Variants in MYLK4 observed in about 807,000 individuals in gnomAD.
MYLK4 encodes the protein caMLCK like.
MYLK4 carries 46 observed loss-of-function variants against 48.1 expected under a neutral mutation model. The observed-to-expected ratio is 0.96, with a 90% confidence interval of 0.75 to 1.22. MYLK4 has a LOEUF of 1.22. MYLK4 is among the 50% of genes most tolerant of loss of function. The probability of loss-of-function intolerance (pLI) is 0.00; values close to 1 mark genes in which losing one functional copy is unlikely to be tolerated. For missense variants in MYLK4, 451 were observed against 486.1 expected (o/e 0.93, Z 0.68); for synonymous variants, 170 against 180.8 (o/e 0.94, Z 0.48).
intron 2 of MYLK4, among the ~76,000 whole-genome samples, chr6:2,740,950 T>C (rs969367677): frequency 6.6e-6 from 1 of 152,238 alleles, no homozygotes; most frequent in Non-Finnish European, 1.5e-5. Context: ...GCCACTTCAT[T>C]GCAAGAGACT....
At chr6:2,744,362 A>G (rs571050029) in intron 2 of MYLK4, among the ~76,000 whole-genome samples, 1 of 152,356 alleles carries the variant, frequency 6.6e-6, no homozygotes, top group South Asian at 2.1e-4. Context: ...GCACCACTGT[A>G]TCTGGCAACT....
intron 12 of MYLK4, among the ~76,000 whole-genome samples, chr6:2,669,130 T>C (rs908889763): frequency 2.0e-5 from 3 of 152,094 alleles, no homozygotes; most frequent in South Asian, 2.1e-4. Context: ...ATTGTGTGTA[T>C]CTGAAATGAT....
At chr6:2,731,180 G>T (rs776764520) in intron 2 of MYLK4, among the ~76,000 whole-genome samples, 1 of 152,096 alleles carries the variant, frequency 6.6e-6, no homozygotes, top group Non-Finnish European at 1.5e-5. Context: ...GAAGGGAAAT[G>T]GTACCAAGCA....
At chr6:2,764,355 G>C in the MYLK4 span, among the ~76,000 whole-genome samples, 2 of 152,256 alleles carry the variant, frequency 1.3e-5, no homozygotes, top group South Asian at 4.1e-4. Context: ...GGAGTTCAAG[G>C]CTGTGAGCTC....
chr6:2,698,737 A>G (rs1481575544), intron 2 of MYLK4, among the ~76,000 whole-genome samples: 1 of 152,254 alleles, frequency 6.6e-6, no homozygotes, highest in African/African-American at 2.4e-5. Flanking sequence ...TTGCCTGAGC[A>G]TAGAAGATAC....
At chr6:2,768,686 T>C in the MYLK4 span, 2 of 1,599,014 alleles carry the variant, frequency 1.3e-6, no homozygotes, top group East Asian at 4.5e-5. Flanking sequence ...TGTCATCTTT[T>C]CTAGACCACT....
chr6:2,672,029 G>A lies in MYLK4; in HGVS notation c.1120-681C>T, dbSNP rs1209549341. ...TCTGAGCTGTAATTAAGGAACTAAT[G>A]ATTTGATAGATTAGGGAAGAGGGTG... On this transcript the variant is annotated intron_variant, in intron 11 of 12. Transcript: ENST00000274643. The surrounding 1 kb of genome is among the most constrained non-coding windows in gnomAD (Gnocchi z 4.3). 1.3e-5 allele frequency among the ~76,000 whole-genome samples: 2 copies of A among 152,224 alleles called. No homozygotes were observed. The highest frequency in any genetic ancestry group is 1.3e-4 in the Admixed American group (2 of 15,286).
At position 2,680,228 on chromosome 6, in the gene MYLK4, C is replaced by A. The variant is rs1294963712; in HGVS notation, c.751G>T (p.Ala251Ser). The change falls in exon 8 of 13, where the codon GCC (alanine) becomes TCC (serine). Residue 251 changes from alanine to serine, a missense_variant. By Grantham distance (99) the Ala-to-Ser change is moderately conservative. Coordinates refer to ENST00000274643, the MANE Select transcript of MYLK4 (RefSeq NM_001012418.5). The part of the protein sequence containing the change: ...KQIKIIDFGL[A>S]RRYKPREKLK... ...ATGTCCAAATAGACATACCTTCTGG[C>A]CAATCCAAAATCAATAATTTTTATT... 6.2e-7 allele frequency: 1 copy of A among 1,614,014 alleles called. No homozygotes were observed. The highest frequency in any genetic ancestry group is 2.2e-5 in the East Asian group (1 of 44,902).
chr6:2,684,576 A>T (rs975127490), intron 6 of MYLK4, among the ~76,000 whole-genome samples: 2 of 152,224 alleles, frequency 1.3e-5, no homozygotes, highest in Non-Finnish European at 2.9e-5. Flanking sequence ...AGGTTCAAAC[A>T]ATCGTAAATC....
chr6:2,734,070 G>A (rs1456735486), intron 2 of MYLK4, among the ~76,000 whole-genome samples: 5 of 151,964 alleles, frequency 3.3e-5, no homozygotes, highest in African/African-American at 9.7e-5. Context: ...CCCTGGGAAC[G>A]TATGAGCCAA....
chr6:2,712,922 T>A (rs6941794), intron 2 of MYLK4, among the ~76,000 whole-genome samples: 32,460 of 152,162 alleles, frequency 0.21, 3,585 homozygotes, highest in African/African-American at 0.27. Context: ...TGGGTTCTCA[T>A]CCCATTTCTG....
At chr6:2,746,881 C>T (rs959980904) in intron 2 of MYLK4, among the ~76,000 whole-genome samples, 1 of 152,216 alleles carries the variant, frequency 6.6e-6, no homozygotes, top group Non-Finnish European at 1.5e-5. Context: ...CCTTCTCCAC[C>T]CACCCGCTGC....
chr6:2,669,420 C>T (rs977655134), intron 12 of MYLK4, among the ~76,000 whole-genome samples: 3 of 152,238 alleles, frequency 2.0e-5, no homozygotes, highest in Admixed American at 6.5e-5. Flanking sequence ...ATCACCATTT[C>T]CTCCTCATTC....
intron 3 of MYLK4, among the ~76,000 whole-genome samples, chr6:2,690,335 C>T (rs1761729605): frequency 6.6e-6 from 1 of 152,298 alleles, no homozygotes; most frequent in Middle Eastern, 3.4e-3. Flanking sequence ...CCACTCCACG[C>T]TTACTGCTGC....
intron 11 of MYLK4, among the ~76,000 whole-genome samples, chr6:2,674,440 AT>A (rs1761008093): frequency 6.6e-6 from 1 of 152,226 alleles, no homozygotes; most frequent in Non-Finnish European, 1.5e-5. Flanking sequence ...TTTATAGGTT[AT>A]ATGTGTGTAT....
intron 2 of MYLK4, among the ~76,000 whole-genome samples, chr6:2,714,214 T>C (rs1341424728): frequency 6.6e-6 from 1 of 152,186 alleles, no homozygotes; most frequent in Admixed American, 6.5e-5. Flanking sequence ...AATCCCCAGC[T>C]GGCCCCATTG....
At chr6:2,694,113 C>T (rs1039082733) in intron 2 of MYLK4, among the ~76,000 whole-genome samples, 16 of 152,086 alleles carry the variant, frequency 1.1e-4, no homozygotes, top group South Asian at 4.1e-4. Context: ...AGAGTATTTC[C>T]GTTTTTTAGA....
rs575985978 is a variant in MYLK4, at chr6:2,708,385, C to T, written c.160-15526G>A. On this transcript the variant is annotated intron_variant, in intron 2 of 12. Coordinates refer to ENST00000274643, the MANE Select transcript of MYLK4 (RefSeq NM_001012418.5). The stretch of plus-strand genomic sequence containing the variant: ...GAATACCAAAGTGCTGATCTTTGTT[C>T]ATCAAAGTTCATCTTCACAGATTTG... Among the ~76,000 whole-genome samples, 118 of 152,254 alleles carry T rather than the reference C, an allele frequency of 7.8e-4. 1 individual carries two copies. The highest frequency in any genetic ancestry group is 2.7e-3 in the African/African-American group (114 of 41,556).
chr6:2,769,200 A>G, the MYLK4 span, among the ~76,000 whole-genome samples: 1 of 152,348 alleles, frequency 6.6e-6, no homozygotes. Flanking sequence ...ACAGTAAAAT[A>G]ATGATTTTAA....
Sources: gnomAD v4.1 joint callset for allele counts (sites outside exome capture counted in the v4.1 genomes callset) on GRCh38, gnomAD v4.1.1 for gene constraint, Gnocchi (gnomAD v3.1) non-coding constraint, MANE v1.5 for transcripts, NCBI Gene and HGNC (gene_info 2026-07-23, HGNC 2026-07-21) for gene names.